ZBTB44: variants seen among roughly 807,000 people sequenced by gnomAD.
ZBTB44 encodes the protein zinc finger and BTB domain-containing protein 44.
In ZBTB44, 15 loss-of-function variants were observed where a neutral mutation model predicts 54.0. That is an observed-to-expected ratio of 0.28 (90% CI 0.19 to 0.43). The LOEUF (loss-of-function observed/expected upper bound fraction) is 0.43. Among genes scored for constraint, ZBTB44 ranks in the 20% least tolerant of loss-of-function variants. The pLI is 1.00. For missense variants in ZBTB44, 487 were observed against 707.1 expected (o/e 0.69, Z 3.53); for synonymous variants, 230 against 250.1 (o/e 0.92, Z 0.76).
intron 2 of ZBTB44, among the ~76,000 whole-genome samples, chr11:130,248,350 A>G (rs1375125390): frequency 6.6e-6 from 1 of 152,224 alleles, no homozygotes; most frequent in African/African-American, 2.4e-5. Context: ...AGGAAAAAAC[A>G]TCATATTGGA....
intron 2 of ZBTB44, among the ~76,000 whole-genome samples, chr11:130,259,199 T>C (rs1938668197): frequency 6.6e-6 from 1 of 152,206 alleles, no homozygotes; most frequent in African/African-American, 2.4e-5. Flanking sequence ...CCATTGACTT[T>C]CTTCACGGAA....
chr11:130,256,932 T>G (rs903048446), intron 2 of ZBTB44, among the ~76,000 whole-genome samples: 1 of 151,912 alleles, frequency 6.6e-6, no homozygotes, highest in Non-Finnish European at 1.5e-5. Context: ...AGTATTCAAA[T>G]AGGAAGAGAG....
intron 5 of ZBTB44, chr11:130,236,051 A>G (rs1400580031): frequency 2.6e-6 from 3 of 1,133,418 alleles, no homozygotes; most frequent in Non-Finnish European, 3.3e-6. Context: ...CTTATAAACA[A>G]TTTAAAACAA....
intron 1 of ZBTB44, chr11:130,285,742 T>C: frequency 4.3e-6 from 1 of 232,332 alleles, no homozygotes; most frequent in South Asian, 7.2e-5. Context: ...TAGAGTAGTA[T>C]TTGTTCCCAA....
chr11:130,285,079 C>A, intron 1 of ZBTB44: 1 of 163,366 alleles, frequency 6.1e-6, no homozygotes. Context: ...AAGGTTTTAC[C>A]AGTGCTGGTG....
At position 130,314,656 on chromosome 11, in the gene ZBTB44, A is replaced by C. The variant is rs913002922; in HGVS notation, c.-338T>G. 4.0e-5 allele frequency: 6 copies of C among 151,556 alleles called. No individual in the cohort carries two copies. Among genetic ancestry groups the C allele is most frequent in the African/African-American group, 1.5e-4 (6 of 41,198 alleles). The allele number at this position is 151,556 out of a possible 1,614,324, so 9.4% of individuals were successfully genotyped here. On this transcript the variant is annotated 5_prime_UTR_variant, in exon 1 of 8. Transcript: ENST00000357899. ...AGCACCCCCAGCGCTCGGAGGGGCCAGAGGGGAGGAGCGAGGGGGCCCGGG... is the reference window on the plus strand; with the variant it reads ...AGCACCCCCAGCGCTCGGAGGGGCCCGAGGGGAGGAGCGAGGGGGCCCGGG...
Position 130,261,082 on chromosome 11 carries a change from T to C in ZBTB44, c.792A>G (p.Arg264=). 1 of 1,614,068 alleles carries C rather than the reference T, an allele frequency of 6.2e-7. No homozygotes were observed. The highest frequency in any genetic ancestry group is 2.2e-5 in the East Asian group (1 of 44,882). The stretch of plus-strand genomic sequence containing the variant: ...CACAAGTCACATAATCAGCCATTCT[T>C]CTACCGGTCTCAGATGGGCCAGGTA... ...LELPGPSETG[R]RMADYVTCES... Residue 264 remains arginine (R), a synonymous_variant, in exon 2 of 8, where the codon AGA becomes AGG. Transcript: ENST00000357899. The surrounding 1 kb of genome is among the most constrained non-coding windows in gnomAD (Gnocchi z 4.8).
chr11:130,243,570 A>C (rs1954485459), intron 2 of ZBTB44, among the ~76,000 whole-genome samples: 1 of 152,192 alleles, frequency 6.6e-6, no homozygotes, highest in Non-Finnish European at 1.5e-5. Context: ...GTTTTTCTAC[A>C]GTCCCCTGGA....
At position 130,233,630 on chromosome 11, in the gene ZBTB44, T is replaced by C. The variant is rs1292271833; in HGVS notation, c.1687-248A>G. 9.5e-6 allele frequency: 12 copies of C among 1,267,270 alleles called. No individual in the cohort carries two copies. The African/African-American group carries it at 1.2e-4, about 13-fold the overall frequency. 78.5% of individuals were successfully genotyped at this position (1,267,270 alleles called of 1,614,324 possible). On this transcript the variant is annotated intron_variant, in intron 6 of 7. Transcript: ENST00000357899. ...AAGCTGTTTAGTAATTAGTTTCTCA[T>C]GTACCCTCTTGTCTCAAGAAGGTCA...
intron 1 of ZBTB44, among the ~76,000 whole-genome samples, chr11:130,270,327 A>G (rs577420596): frequency 2.0e-5 from 3 of 152,366 alleles, no homozygotes; most frequent in South Asian, 4.1e-4. Flanking sequence ...AGAGGGGCAT[A>G]TAAGTTTAAG....
chr11:130,256,780 T>C lies in ZBTB44; in HGVS notation c.1018+4076A>G, dbSNP rs931445475. Among the ~76,000 whole-genome samples, 3 of 152,152 alleles carry C rather than the reference T, an allele frequency of 2.0e-5. No individual in the cohort carries two copies. The East Asian group carries it at 5.8e-4, about 29-fold the overall frequency. On this transcript the variant is annotated intron_variant, in intron 2 of 7. Transcript: ENST00000357899. ...TTAAGAGCTATTTATGACAAATCCATAGACAGTATCATACCGAATGAGTAA... is the reference window on the plus strand; with the variant it reads ...TTAAGAGCTATTTATGACAAATCCACAGACAGTATCATACCGAATGAGTAA...
chr11:130,287,778 G>A (rs1368418678), intron 1 of ZBTB44, among the ~76,000 whole-genome samples: 6 of 152,126 alleles, frequency 3.9e-5, no homozygotes, highest in East Asian at 1.9e-4. Context: ...TTTTAAACTC[G>A]AATCTCAGGC....
rs1434372810 is a variant in ZBTB44, at chr11:130,295,520, AATG to A, written c.-57+18852_-57+18854del. Reference sequence around the variant, plus strand: ...AGAAAATAACGTAGAGAAGCCAGATAATGATGAAGATGACAGTGAGGTGCCCAG... The same window carrying A: ...AGAAAATAACGTAGAGAAGCCAGATAATGAAGATGACAGTGAGGTGCCCAG... On this transcript the variant is annotated intron_variant, in intron 1 of 7. Coordinates refer to ENST00000357899, the MANE Select transcript of ZBTB44 (RefSeq NM_001301098.2). 7 of 707,118 alleles carry A rather than the reference AATG, an allele frequency of 9.9e-6. No individual in the cohort carries two copies. In the African/African-American group the frequency reaches 1.2e-4, roughly 13 times the overall value. 43.8% of individuals were successfully genotyped at this position (707,118 alleles called of 1,614,324 possible). A position where few individuals can be genotyped will look rare whatever the true frequency, so the allele number is the denominator to read the frequency against.
rs140360551 is a variant in ZBTB44 at position 130,256,003 on chromosome 11, T to G, written c.1018+4853A>C. Among the ~76,000 whole-genome samples the G allele has an allele frequency of 1.6e-3, 240 of 151,530 alleles. 5 individuals carry two copies. In the South Asian group the frequency reaches 0.035, roughly 22 times the overall value. On this transcript the variant is annotated intron_variant, in intron 2 of 7. Transcript: ENST00000357899. Reference sequence around the variant, plus strand: ...CACCAGACAGATTCACCAGACAGATTCACAGCTGAATTCTACCAAAGGTAC... The same window carrying G: ...CACCAGACAGATTCACCAGACAGATGCACAGCTGAATTCTACCAAAGGTAC...
rs1449494557 is a variant in ZBTB44 at position 130,231,729 on chromosome 11, T to C, written c.*49-14A>G. The stretch of plus-strand genomic sequence containing the variant: ...CACCTCTTGGAACTAAGGGTAACAA[T>C]GATTCCTGGTCATAATTTTACCTAT... On this transcript the variant is annotated splice_polypyrimidine_tract_variant and intron_variant, in intron 7 of 7. Coordinates refer to ENST00000357899, the MANE Select transcript of ZBTB44 (RefSeq NM_001301098.2). 6.6e-6 allele frequency: 1 copy of C among 152,196 alleles called. No individual in the cohort carries two copies. Among genetic ancestry groups the C allele is most frequent in the African/African-American group, 2.4e-5 (1 of 41,450 alleles). The allele number at this position is 152,196 out of a possible 1,614,324, so 9.4% of individuals were successfully genotyped here.
At chr11:130,298,917 T>TA (rs2134433078) in intron 1 of ZBTB44, among the ~76,000 whole-genome samples, 1 of 151,950 alleles carries the variant, frequency 6.6e-6, no homozygotes, top group Admixed American at 6.6e-5. Flanking sequence ...AACCCATCTC[T>TA]ACAAAAAATA....
intron 1 of ZBTB44, among the ~76,000 whole-genome samples, chr11:130,287,746 G>A (rs111563111): frequency 3.3e-5 from 5 of 152,214 alleles, no homozygotes; most frequent in African/African-American, 1.2e-4. Context: ...TGGTTAGAGT[G>A]GGATTAACAC....
At position 130,230,391 on chromosome 11, in the gene ZBTB44, A is replaced by G. The variant is rs1420174466; in HGVS notation, c.*1373T>C. The G allele has an allele frequency of 2.0e-5, 3 of 150,528 alleles. No individual in the cohort carries two copies. In the East Asian group the frequency reaches 5.8e-4, roughly 29 times the overall value. 9.3% of individuals were successfully genotyped at this position (150,528 alleles called of 1,614,324 possible). Reference sequence around the variant, plus strand: ...TATTGACTAGTCTATTTCATTTGGCAAAGTATTTTAACAAGATGAAAGTTT... The same window carrying G: ...TATTGACTAGTCTATTTCATTTGGCGAAGTATTTTAACAAGATGAAAGTTT... On this transcript the variant is annotated 3_prime_UTR_variant, in exon 8 of 8. Transcript: ENST00000357899.
chr11:130,227,697 C>G lies in ZBTB44; in HGVS notation c.*4067G>C, dbSNP rs1315961460. On this transcript the variant is annotated 3_prime_UTR_variant, in exon 8 of 8. Coordinates refer to ENST00000357899, the MANE Select transcript of ZBTB44 (RefSeq NM_001301098.2). ...TTAAATGGAGCCAGCTTTATGTTAG[C>G]CCTGTAAAATATTGAGCTACTGTAG... The G allele has an allele frequency of 6.6e-6, 1 of 152,072 alleles. No homozygotes were observed. The highest frequency in any genetic ancestry group is 2.4e-5 in the African/African-American group (1 of 41,404). 9.4% of individuals were successfully genotyped at this position (152,072 alleles called of 1,614,324 possible). A position where few individuals can be genotyped will look rare whatever the true frequency, so the allele number is the denominator to read the frequency against.
Sources: allele counts gnomAD v4.1 joint callset (sites outside exome capture counted in the v4.1 genomes callset), GRCh38; gene constraint gnomAD v4.1.1; non-coding constraint Gnocchi (gnomAD v3.1); transcripts MANE v1.5; gene names NCBI Gene and HGNC (gene_info 2026-07-23, HGNC 2026-07-21).